Variants in KALRN observed in about 807,000 individuals in gnomAD.
The protein encoded by KALRN is kalirin.
In KALRN, 70 loss-of-function variants were observed where a neutral mutation model predicts 353.7. The observed-to-expected ratio is 0.20, with a 90% CI of 0.16 to 0.24. The LOEUF is 0.24. Among genes scored for constraint, KALRN ranks in the 10% least tolerant of loss-of-function variants. KALRN has a pLI of 1.00. For missense variants in KALRN, 2,791 were observed against 3,756.7 expected (o/e 0.74, Z 6.72); for synonymous variants, 1,391 against 1,434.8 (o/e 0.97, Z 0.69).
At chr3:124,152,549 TTTC>T in intron 1 of KALRN, 1 of 227,486 alleles carries the variant, frequency 4.4e-6, no homozygotes, top group Admixed American at 1.1e-4. Context: ...TCTTTTTCTT[TTTC>T]TTTTCTTTTC....
At chr3:124,627,632 G>A (rs1245119187) in intron 34 of KALRN, among the ~76,000 whole-genome samples, 1 of 152,180 alleles carries the variant, frequency 6.6e-6, no homozygotes, top group Non-Finnish European at 1.5e-5. Flanking sequence ...GAGCCACATG[G>A]CATCACAGGG....
chr3:124,268,028 G>T (rs1306648646), intron 4 of KALRN, among the ~76,000 whole-genome samples: 7 of 152,184 alleles, frequency 4.6e-5, no homozygotes, highest in Admixed American at 4.6e-4. Flanking sequence ...TTCTTCATGA[G>T]AAAGAAGAGA....
At chr3:124,450,887 T>C (rs561472510) in intron 21 of KALRN, among the ~76,000 whole-genome samples, 57 of 152,220 alleles carry the variant, frequency 3.7e-4, no homozygotes, top group African/African-American at 1.3e-3. Flanking sequence ...AAGAGGAATA[T>C]AGTTCATATG....
At chr3:124,669,086 C>T (rs542831129) in intron 47 of KALRN, among the ~76,000 whole-genome samples, 7 of 152,248 alleles carry the variant, frequency 4.6e-5, no homozygotes, top group South Asian at 2.1e-4. Flanking sequence ...TTAATCCTCA[C>T]GCCAACATGG....
chr3:124,210,662 C>T (rs987780690), intron 1 of KALRN, among the ~76,000 whole-genome samples: 7 of 152,182 alleles, frequency 4.6e-5, no homozygotes, highest in Admixed American at 6.5e-5. Context: ...CTGAGGTCTT[C>T]GGATTCCTAG....
At chr3:124,036,214 C>A (rs140650498) in intron 1 of KALRN, among the ~76,000 whole-genome samples, 75 of 152,248 alleles carry the variant, frequency 4.9e-4, no homozygotes, top group African/African-American at 1.6e-3. Flanking sequence ...TCTCTGTCCT[C>A]CCACCTTCCA....
chr3:124,384,756 C>G, intron 10 of KALRN, 89 bp from the exon 11 acceptor site: 1 of 1,311,264 alleles, frequency 7.6e-7, no homozygotes, highest in East Asian at 2.4e-5. Context: ...AGCGCCCACG[C>G]CCCTCCGCTT....
chr3:124,267,014 A>G (rs532662017), intron 4 of KALRN, among the ~76,000 whole-genome samples: 24 of 152,276 alleles, frequency 1.6e-4, no homozygotes, highest in Admixed American at 1.2e-3. Context: ...AAGTTGAACA[A>G]GCTTGTCTCT....
intron 37 of KALRN, among the ~76,000 whole-genome samples, chr3:124,645,678 G>GTGTGTA: frequency 6.6e-6 from 1 of 151,582 alleles, no homozygotes; most frequent in African/African-American, 2.4e-5. Context: ...GTGTGTGTGT[G>GTGTGTA]TATCACAGTT....
At chr3:124,234,985 G>T (rs2079576243) in intron 3 of KALRN, 42 bp downstream of exon 3, 2 of 1,453,842 alleles carry the variant, frequency 1.4e-6, no homozygotes, top group South Asian at 2.4e-5. Context: ...CGGGAGGGGA[G>T]CTGGGCTGAT....
At chr3:124,101,475 A>G (rs1398778804) in intron 1 of KALRN, among the ~76,000 whole-genome samples, 1 of 152,216 alleles carries the variant, frequency 6.6e-6, no homozygotes, top group African/African-American at 2.4e-5. Flanking sequence ...TACTTTGACC[A>G]GGAATCTACT....
intron 58 of KALRN, among the ~76,000 whole-genome samples, chr3:124,714,871 C>T (rs2063060883): frequency 6.6e-6 from 1 of 152,094 alleles, no homozygotes; most frequent in African/African-American, 2.4e-5. Flanking sequence ...CAAAAATTAG[C>T]TGGACATGGT....
At chr3:124,211,658 C>T (rs1205500342) in intron 1 of KALRN, among the ~76,000 whole-genome samples, 2 of 152,124 alleles carry the variant, frequency 1.3e-5, no homozygotes, top group Non-Finnish European at 2.9e-5. Flanking sequence ...TCTCATTGTG[C>T]TTTATATTCT....
At position 124,504,615 on chromosome 3, in the gene KALRN, T is replaced by C. The variant is rs1407168649; in HGVS notation, c.4935+8202T>C. The C allele has an allele frequency of 2.1e-5, 7 of 338,242 alleles. No individual in the cohort carries two copies. In the Admixed American group the frequency reaches 2.3e-4, roughly 11 times the overall value. The allele number at this position is 338,242 out of a possible 1,614,324, so 21.0% of individuals were successfully genotyped here. ...GGCATGTGGCAAGTATTAATGCCTATCACAGACTCATTGATGCCAAGTACT... is the reference window on the plus strand; with the variant it reads ...GGCATGTGGCAAGTATTAATGCCTACCACAGACTCATTGATGCCAAGTACT... On this transcript the variant is annotated intron_variant, in intron 33 of 59. Transcript: ENST00000682506.
At chr3:124,417,084 C>T (rs190672008) in intron 14 of KALRN, among the ~76,000 whole-genome samples, 220 of 152,244 alleles carry the variant, frequency 1.4e-3, no homozygotes, top group African/African-American at 4.9e-3. Context: ...ATAGAGTAAA[C>T]AGGAGCAATT....
intron 34 of KALRN, among the ~76,000 whole-genome samples, chr3:124,624,484 C>G (rs2079700492): frequency 6.6e-6 from 1 of 152,186 alleles, no homozygotes; most frequent in Non-Finnish European, 1.5e-5. Flanking sequence ...TGGACTGCAT[C>G]CCTTCCCTCA....
intron 1 of KALRN, among the ~76,000 whole-genome samples, chr3:124,181,076 C>CAAAAAAAAAAAAAAAAAA (rs60579271): frequency 9.0e-5 from 5 of 55,272 alleles, no homozygotes; most frequent in East Asian, 5.4e-4. Context: ...ACTAAAAATA[C>CAAAAAAAAAAAAAAAAAA]AAAAAAAAAA....
chr3:124,407,360 C>T (rs944927012), intron 13 of KALRN, among the ~76,000 whole-genome samples: 1 of 151,872 alleles, frequency 6.6e-6, no homozygotes, highest in African/African-American at 2.4e-5. Context: ...AGCAGTTAAA[C>T]ATCCCTTCTT....
At position 124,434,381 on chromosome 3, in the gene KALRN, G is replaced by A. The variant is rs1272825376; in HGVS notation, c.2904G>A (p.Leu968=). The A allele has an allele frequency of 2.5e-6, 4 of 1,614,028 alleles. No individual in the cohort carries two copies. Among genetic ancestry groups the A allele is most frequent in the Non-Finnish European group, 3.4e-6 (4 of 1,180,020 alleles). Residue 968 remains leucine (L), a synonymous_variant, in exon 17 of 60, where the codon CTG becomes CTA. Transcript: ENST00000682506. ...ALQVQQKAEV[L]LQAGHYDADA... ...AGGTACAGCAGAAAGCCGAGGTGCT[G>A]CTCCAGGCCGGCCACTACGATGCCG... is the stretch of plus-strand genomic sequence containing the variant.
Sources: allele counts gnomAD v4.1 joint callset (sites outside exome capture counted in the v4.1 genomes callset), GRCh38; gene constraint gnomAD v4.1.1; transcripts MANE v1.5; gene names NCBI Gene and HGNC (gene_info 2026-07-23, HGNC 2026-07-21).